ADAM9: variants seen among roughly 807,000 people sequenced by gnomAD.
ADAM9 encodes the protein disintegrin and metalloproteinase domain-containing protein 9.
ADAM9 carries 54 observed loss-of-function variants against 108.1 expected under a neutral mutation model. The ratio of observed to expected loss-of-function variants is 0.50; its 90% CI spans 0.40 to 0.63. The LOEUF is 0.63. ADAM9 is among the 20% of genes least tolerant of loss of function. ADAM9 has a pLI of 0.00. For missense variants in ADAM9, 830 were observed against 997.7 expected, an observed-to-expected ratio of 0.83 and a Z score of 2.26; for synonymous variants, 316 against 336.0, an observed-to-expected ratio of 0.94 and a Z score of 0.65.
At chr8:39,073,079 A>G (rs1264337484) in intron 15 of ADAM9, among the ~76,000 whole-genome samples, 1 of 152,234 alleles carries the variant, frequency 6.6e-6, no homozygotes, top group Non-Finnish European at 1.5e-5. Flanking sequence ...CAGCCTCTTA[A>G]TACCAGACCA....
chr8:39,025,687 A>G, intron 9 of ADAM9, 116 bp from the exon 10 acceptor site: 3 of 953,944 alleles, frequency 3.1e-6, no homozygotes, highest in Admixed American at 2.3e-5. Context: ...TTTTTTTGCC[A>G]TTTTCCTGCC....
intron 14 of ADAM9, among the ~76,000 whole-genome samples, chr8:39,056,360 T>C (rs1366381657): frequency 2.8e-5 from 4 of 141,320 alleles, no homozygotes; most frequent in African/African-American, 1.0e-4. Flanking sequence ...TTGGCTAAGA[T>C]TTTTGTTAAC....
At chr8:39,053,154 A>G (rs943697509) in intron 12 of ADAM9, among the ~76,000 whole-genome samples, 2 of 151,716 alleles carry the variant, frequency 1.3e-5, no homozygotes, top group African/African-American at 2.4e-5. Context: ...TGACTGTTCA[A>G]CTCTTTTCCC....
chr8:39,011,790 T>C (rs981899412), intron 3 of ADAM9, 74 bp downstream of exon 3: 1 of 1,361,898 alleles, frequency 7.3e-7, no homozygotes, highest in Non-Finnish European at 1.0e-6. Flanking sequence ...TCTAGTTTGA[T>C]ATGGTTTAGT....
chr8:39,033,262 T>C (rs1837158679), intron 11 of ADAM9, among the ~76,000 whole-genome samples: 1 of 152,230 alleles, frequency 6.6e-6, no homozygotes, highest in Non-Finnish European at 1.5e-5. Context: ...TTTTGTATAT[T>C]AACCCTGTAT....
chr8:39,083,139 G>A (rs894041021), intron 18 of ADAM9, 66 bp downstream of exon 18: 6 of 1,184,738 alleles, frequency 5.1e-6, no homozygotes, highest in African/African-American at 4.6e-5. Context: ...GGGCATCCTC[G>A]TACCTCTCCC....
chr8:39,011,811 C>T, intron 3 of ADAM9, 95 bp downstream of exon 3: 1 of 1,210,890 alleles, frequency 8.3e-7, no homozygotes, highest in Non-Finnish European at 1.2e-6. Flanking sequence ...GGATCCTGAA[C>T]CCTGGGATTA....
At chr8:39,097,670 A>G (rs1423674630) in intron 20 of ADAM9, among the ~76,000 whole-genome samples, 1 of 152,144 alleles carries the variant, frequency 6.6e-6, no homozygotes, top group African/African-American at 2.4e-5. Flanking sequence ...CTATTGAATT[A>G]TGAAATGTTT....
intron 15 of ADAM9, among the ~76,000 whole-genome samples, chr8:39,073,861 T>C (rs960435950): frequency 6.6e-6 from 1 of 152,202 alleles, no homozygotes; most frequent in African/African-American, 2.4e-5. Context: ...ACAAACAATA[T>C]AGTCATTAAG....
Position 39,025,823 on chromosome 8 carries a change from C to G in ADAM9, c.935C>G (p.Thr312Ser). 1.2e-6 allele frequency: 2 copies of G among 1,614,118 alleles called. No individual in the cohort carries two copies. The highest frequency in any genetic ancestry group is 1.7e-6 in the Non-Finnish European group (2 of 1,180,012). ...TTTAGAAAGAAAGGTTTTGGTGGAA[C>G]TGCAGGAATGGCATTTGTGGGAACA... ...QLVLKKGFGG[T>S]AGMAFVGTVC... The change falls in exon 10 of 22, where the codon ACT (threonine) becomes AGT (serine). Residue 312 changes from threonine (T) to serine (S), a missense_variant. Transcript: ENST00000487273.
intron 3 of ADAM9, among the ~76,000 whole-genome samples, chr8:39,013,102 A>C (rs1325153525): frequency 6.6e-6 from 1 of 152,154 alleles, no homozygotes; most frequent in Admixed American, 6.5e-5. Flanking sequence ...GTCCTGCTGC[A>C]AGAGAACGTG....
intron 6 of ADAM9, 147 bp downstream of exon 6, chr8:39,017,561 G>C: frequency 1.3e-6 from 1 of 789,602 alleles, no homozygotes; most frequent in South Asian, 1.5e-5. Flanking sequence ...TAGGTACTAG[G>C]GGATGAAAAG....
intron 11 of ADAM9, among the ~76,000 whole-genome samples, chr8:39,029,341 G>A (rs140891138): frequency 3.3e-4 from 50 of 152,210 alleles, no homozygotes; most frequent in African/African-American, 1.2e-3. Flanking sequence ...CTGATAACAT[G>A]AGGTAGAGGG....
At chr8:38,999,056 G>A (rs922576624) in intron 1 of ADAM9, among the ~76,000 whole-genome samples, 2 of 152,060 alleles carry the variant, frequency 1.3e-5, no homozygotes, top group Non-Finnish European at 2.9e-5. Context: ...TGGGACACCG[G>A]TTAAGAGGCT....
intron 11 of ADAM9, among the ~76,000 whole-genome samples, chr8:39,041,176 A>G (rs1240037590): frequency 2.6e-5 from 4 of 152,172 alleles, no homozygotes; most frequent in African/African-American, 9.7e-5. Flanking sequence ...AAAGGTAAAA[A>G]TAGCCAGTGG....
chr8:39,030,334 A>G (rs1837059087), intron 11 of ADAM9, among the ~76,000 whole-genome samples: 1 of 152,032 alleles, frequency 6.6e-6, no homozygotes, highest in Non-Finnish European at 1.5e-5. Context: ...AGAATATCAT[A>G]TATTTAGAAT....
At chr8:39,077,131 T>C (rs1838872871) in intron 15 of ADAM9, 97 bp from the exon 16 acceptor site, 1 of 1,320,032 alleles carries the variant, frequency 7.6e-7, no homozygotes, top group South Asian at 1.2e-5. Context: ...ATTCCCTCCA[T>C]AGCAGCAAAC....
At chr8:39,052,507 T>C (rs1837989556) in intron 12 of ADAM9, among the ~76,000 whole-genome samples, 1 of 152,136 alleles carries the variant, frequency 6.6e-6, no homozygotes. Context: ...GAAATTTGTA[T>C]CTTGACCTGG....
intron 8 of ADAM9, among the ~76,000 whole-genome samples, chr8:39,022,667 T>C (rs1412091463): frequency 1.3e-5 from 2 of 152,136 alleles, no homozygotes; most frequent in Non-Finnish European, 2.9e-5. Context: ...TCTGTTACTA[T>C]TATTTTATGG....
Sources: gnomAD v4.1 joint callset for allele counts (sites outside exome capture counted in the v4.1 genomes callset) on GRCh38, gnomAD v4.1.1 for gene constraint, MANE v1.5 for transcripts, NCBI Gene and HGNC (gene_info 2026-07-23, HGNC 2026-07-21) for gene names.